Variants in PCDHGB4 observed in about 807,000 individuals in gnomAD.
The protein encoded by PCDHGB4 is protocadherin gamma subfamily B, 4, also known as protocadherin gamma-B4.
In PCDHGB4, 38 loss-of-function variants were observed where a neutral mutation model predicts 60.5. That is an observed-to-expected ratio of 0.63 (90% CI 0.48 to 0.82). The LOEUF (loss-of-function observed/expected upper bound fraction) is 0.82. Among genes scored for constraint, PCDHGB4 ranks in the 40% least tolerant of loss-of-function variants. PCDHGB4 has a pLI of 0.00. For missense variants in PCDHGB4, 1,109 were observed against 1,209.6 expected (o/e 0.92, Z 1.23); for synonymous variants, 456 against 509.7 (o/e 0.89, Z 1.42).
chr5:141,484,949 A>C, intron 1 of PCDHGB4: 1 of 557,400 alleles, frequency 1.8e-6, no homozygotes, highest in Non-Finnish European at 3.2e-6. Context: ...TGCTCAGCCT[A>C]TTGGCTGAGC....
intron 1 of PCDHGB4, among the ~76,000 whole-genome samples, chr5:141,438,629 TATATATACACAC>T (rs1343412075): frequency 0.05 from 2,378 of 47,602 alleles, 22 homozygotes; most frequent in African/African-American, 0.12. Context: ...TATATATATA[TATATATACACAC>T]ACACACACAC....
At chr5:141,428,400 G>C (rs373595231) in intron 1 of PCDHGB4, 4 of 483,290 alleles carry the variant, frequency 8.3e-6, no homozygotes, top group African/African-American at 2.0e-5. Flanking sequence ...CCTCTGCCTG[G>C]GGTTGCTTTC....
chr5:141,405,974 A>T (rs1194827537), intron 1 of PCDHGB4, among the ~76,000 whole-genome samples: 1 of 152,002 alleles, frequency 6.6e-6, no homozygotes, highest in Non-Finnish European at 1.5e-5. Context: ...AACGTAAACC[A>T]TACTTCATGG....
At chr5:141,484,050 C>T (rs1262678828) in intron 1 of PCDHGB4, among the ~76,000 whole-genome samples, 1 of 151,984 alleles carries the variant, frequency 6.6e-6, no homozygotes, top group Non-Finnish European at 1.5e-5. Flanking sequence ...CAAGAGGTCC[C>T]CTGGGGCTAA....
At chr5:141,494,644 G>A in intron 1 of PCDHGB4, 163 bp from the exon 2 acceptor site, 1 of 933,684 alleles carries the variant, frequency 1.1e-6, no homozygotes. Flanking sequence ...TGAGACCTGA[G>A]GTGTATTTTG....
Position 141,388,597 on chromosome 5 carries a change from A to G in PCDHGB4, c.713A>G (p.Asn238Ser), listed in dbSNP as rs1277451358. 1 of 1,613,752 alleles carries G rather than the reference A, an allele frequency of 6.2e-7. No individual in the cohort carries two copies. The highest frequency in any genetic ancestry group is 8.5e-7 in the Non-Finnish European group (1 of 1,179,892). ...GTTCTAGTGACTGATGCCAATGATA[A>G]TGCTCCAGTGTTCAGTCAAGACGTA... ...IHVLVTDAND[N>S]APVFSQDVYR... The change falls in exon 1 of 4, where the codon AAT (asparagine) becomes AGT (serine). Residue 238 changes from asparagine to serine, a missense_variant. Asn to Ser is a conservative substitution (Grantham distance 46, BLOSUM62 1). Coordinates refer to ENST00000519479, the MANE Select transcript of PCDHGB4 (RefSeq NM_003736.4).
Position 141,477,395 on chromosome 5 carries a change from A to G in PCDHGB4, c.2398-17412A>G. The G allele has an allele frequency of 1.9e-6, 3 of 1,614,126 alleles. No individual in the cohort carries two copies. The highest frequency in any genetic ancestry group is 1.3e-5 in the African/African-American group (1 of 75,020). ...GACTGTGCCAGAATACAACCTCAGC[A>G]TCACCGCCCGAGACGCCGGAACCCC... On this transcript the variant is annotated intron_variant, in intron 1 of 3. Transcript: ENST00000519479. The surrounding 1 kb of genome is among the most constrained non-coding windows in gnomAD (Gnocchi z 4.9).
chr5:141,492,740 C>T (rs1364102818), intron 1 of PCDHGB4, among the ~76,000 whole-genome samples: 1 of 152,238 alleles, frequency 6.6e-6, no homozygotes, highest in African/African-American at 2.4e-5. Context: ...GCCCAGTGGC[C>T]GAGGCGCGGC....
chr5:141,504,705 T>C (rs960774850), intron 2 of PCDHGB4, among the ~76,000 whole-genome samples: 19 of 151,608 alleles, frequency 1.3e-4, no homozygotes, highest in Middle Eastern at 3.4e-3. Flanking sequence ...GGTTCTTCTA[T>C]GGCCGTGGAT....
chr5:141,497,538 AC>A lies in PCDHGB4; in HGVS notation c.2456+2675del, dbSNP rs1247704872. Among the ~76,000 whole-genome samples, 601 of 142,636 alleles carry A rather than the reference AC, an allele frequency of 4.2e-3. 3 individuals are homozygous for A. Among genetic ancestry groups the A allele is most frequent in the African/African-American group, 0.013 (497 of 38,408 alleles). The allele number at this position is 142,636 out of a possible 152,430, so 93.6% of individuals were successfully genotyped here. On this transcript the variant is annotated intron_variant, in intron 2 of 3. Coordinates refer to ENST00000519479, the MANE Select transcript of PCDHGB4 (RefSeq NM_003736.4). ...AGTTAACTTGTGGAGGATGCAACAA[AC>A]CTTTTTTTTTTTTTTTTTTAGACAG...
At chr5:141,488,213 C>T (rs1261280988) in intron 1 of PCDHGB4, among the ~76,000 whole-genome samples, 1 of 152,118 alleles carries the variant, frequency 6.6e-6, no homozygotes, top group Non-Finnish European at 1.5e-5. Context: ...CATATCAAGT[C>T]CCTACTGGGG....
intron 1 of PCDHGB4, among the ~76,000 whole-genome samples, chr5:141,459,724 T>C (rs1440632046): frequency 6.6e-6 from 1 of 152,250 alleles, no homozygotes; most frequent in Non-Finnish European, 1.5e-5. Context: ...TGCTTCCTAT[T>C]GTCAATTTTT....
chr5:141,431,318 G>C lies in PCDHGB4; in HGVS notation c.2397+41037G>C. 1 of 1,614,086 alleles carries C rather than the reference G, an allele frequency of 6.2e-7. No homozygotes were observed. Among genetic ancestry groups the C allele is most frequent in the African/African-American group, 1.3e-5 (1 of 75,050 alleles). On this transcript the variant is annotated intron_variant, in intron 1 of 3. Transcript: ENST00000519479. The surrounding 1 kb of genome is among the most constrained non-coding windows in gnomAD (Gnocchi z 4.8). ...CTCCCTCATCGTGCAAAATGGAGCC[G>C]ACGGTAGTAAGTACCCCGAATTGGT...
At chr5:141,439,412 T>G (rs2098111019) in intron 1 of PCDHGB4, among the ~76,000 whole-genome samples, 1 of 152,194 alleles carries the variant, frequency 6.6e-6, no homozygotes, top group Admixed American at 6.5e-5. Flanking sequence ...CTAACATCAC[T>G]GAGGTTATAA....
chr5:141,409,178 G>A, intron 1 of PCDHGB4: 1 of 1,613,994 alleles, frequency 6.2e-7, no homozygotes, highest in Non-Finnish European at 8.5e-7. Context: ...GGACGGAGGT[G>A]GTCTCTCTAC....
intron 3 of PCDHGB4, among the ~76,000 whole-genome samples, chr5:141,508,620 G>A (rs1017391751): frequency 2.0e-5 from 3 of 152,070 alleles, no homozygotes; most frequent in East Asian, 1.9e-4. Context: ...GACGTGGGTG[G>A]GCCGAGCTTC....
chr5:141,404,119 T>G, intron 1 of PCDHGB4: 1 of 1,613,504 alleles, frequency 6.2e-7, no homozygotes, highest in Non-Finnish European at 8.5e-7. Flanking sequence ...TCCAGGAGAA[T>G]CTATCTTTTA....
In PCDHGB4 at chr5:141,408,807, G is replaced by A. The variant is rs372007066; in HGVS notation, c.2397+18526G>A. On this transcript the variant is annotated intron_variant, in intron 1 of 3. Transcript: ENST00000519479. ...TTATCTCTGGAGAAACTCCTAGACCGGGAAGAACAGAGATCTCATAGCTTG... is the reference window on the plus strand; with the variant it reads ...TTATCTCTGGAGAAACTCCTAGACCAGGAAGAACAGAGATCTCATAGCTTG... 1.2e-5 allele frequency: 20 copies of A among 1,612,986 alleles called. No homozygotes were observed. Among genetic ancestry groups the A allele is most frequent in the Middle Eastern group, 1.6e-4 (1 of 6,084 alleles).
chr5:141,492,695 A>G (rs925499358), intron 1 of PCDHGB4, among the ~76,000 whole-genome samples: 14 of 152,214 alleles, frequency 9.2e-5, no homozygotes, highest in African/African-American at 3.1e-4. Context: ...CGACCCCTCA[A>G]CCCAGAAGCC....
Sources: gnomAD v4.1 joint callset for allele counts (sites outside exome capture counted in the v4.1 genomes callset) on GRCh38, gnomAD v4.1.1 for gene constraint, Gnocchi (gnomAD v3.1) non-coding constraint, MANE v1.5 for transcripts, NCBI Gene and HGNC (gene_info 2026-07-23, HGNC 2026-07-21) for gene names.